Variants in PI4K2B observed in about 807,000 individuals in gnomAD.
PI4K2B encodes phosphatidylinositol 4-kinase type 2-beta.
In PI4K2B, 46 loss-of-function variants were observed where a neutral mutation model predicts 56.6. The ratio of observed to expected loss-of-function variants is 0.81; its 90% CI spans 0.64 to 1.04. The LOEUF (loss-of-function observed/expected upper bound fraction) is 1.04, where lower values mean the gene tolerates loss of function less well. Ranked by LOEUF, PI4K2B falls within the 50% of genes least tolerant of loss-of-function variation. The pLI is 0.00. For missense variants in PI4K2B, 556 were observed against 607.7 expected (o/e 0.91, Z 0.89); for synonymous variants, 211 against 223.8 (o/e 0.94, Z 0.51).
intron 9 of PI4K2B, among the ~76,000 whole-genome samples, chr4:25,272,667 G>T (rs1647132851): frequency 6.6e-6 from 1 of 152,016 alleles, no homozygotes; most frequent in African/African-American, 2.4e-5. Flanking sequence ...AACAGACCAA[G>T]ACCTCATCTC....
At chr4:25,265,235 T>C (rs1046873244) in intron 7 of PI4K2B, among the ~76,000 whole-genome samples, 2 of 145,744 alleles carry the variant, frequency 1.4e-5, no homozygotes, top group Admixed American at 6.9e-5. Context: ...GTATCCATGA[T>C]ATGTCTCTTT....
chr4:25,273,797 T>A (rs16876968), intron 9 of PI4K2B, among the ~76,000 whole-genome samples: 14,172 of 152,260 alleles, frequency 0.093, 1,087 homozygotes, highest in African/African-American at 0.21. Flanking sequence ...TCCTATAATT[T>A]GTCCATGTGT....
chr4:25,272,118 C>G (rs1716921266), intron 9 of PI4K2B, among the ~76,000 whole-genome samples: 1 of 151,834 alleles, frequency 6.6e-6, no homozygotes. Flanking sequence ...GCACTCCAGC[C>G]TGGGCAGCAG....
At position 25,268,752 on chromosome 4, in the gene PI4K2B, A is replaced by G. The variant is rs553511251; in HGVS notation, c.1212+176A>G. 1.5e-4 allele frequency among the ~76,000 whole-genome samples: 23 copies of G among 152,382 alleles called. No homozygotes were observed. The Middle Eastern group carries it at 0.01, about 68-fold the overall frequency. ...CAGGAGCATAGATTCATAAAGCTAT[A>G]CTTACTGTGAGCATTCTTTGAAGTG... On this transcript the variant is annotated intron_variant, in intron 8 of 9. Coordinates refer to ENST00000264864, the MANE Select transcript of PI4K2B (RefSeq NM_018323.4).
At chr4:25,249,727 C>T (rs1042078726) in intron 1 of PI4K2B, among the ~76,000 whole-genome samples, 1 of 151,910 alleles carries the variant, frequency 6.6e-6, no homozygotes, top group African/African-American at 2.4e-5. Flanking sequence ...GCACTCTTCA[C>T]ATCTCAGACG....
chr4:25,234,986 T>A (rs1317723364), intron 1 of PI4K2B, among the ~76,000 whole-genome samples: 2 of 152,240 alleles, frequency 1.3e-5, no homozygotes, highest in African/African-American at 4.8e-5. Context: ...TAGTTTCTCT[T>A]TCTTGATTTA....
rs1194638587 is a variant in PI4K2B at position 25,277,826 on chromosome 4, C to G, written c.*639C>G. 6.6e-6 allele frequency: 1 copy of G among 151,952 alleles called. No homozygotes were observed. Among genetic ancestry groups the G allele is most frequent in the Non-Finnish European group, 1.5e-5 (1 of 67,984 alleles). 9.4% of individuals were successfully genotyped at this position (151,952 alleles called of 1,614,324 possible). ...TGAGGAAAAAACCTAAGAAATTTCC[C>G]CTTTTTTTAAAAAATGGAAATATTC... is the stretch of plus-strand genomic sequence containing the variant. On this transcript the variant is annotated 3_prime_UTR_variant, in exon 10 of 10. Transcript: ENST00000264864.
chr4:25,256,717 C>T (rs1158821198), intron 4 of PI4K2B, 43 bp downstream of exon 4: 1 of 1,579,032 alleles, frequency 6.3e-7, no homozygotes, highest in Non-Finnish European at 8.7e-7. Flanking sequence ...CATTTGGGCA[C>T]ATACATCCTG....
chr4:25,248,792 CTTTTAT>C (rs1281147277), intron 1 of PI4K2B, among the ~76,000 whole-genome samples: 4 of 150,396 alleles, frequency 2.7e-5, no homozygotes, highest in African/African-American at 7.3e-5. Context: ...TTAGGAAAAT[CTTTTAT>C]TTTTATTTTT....
rs117138927 is a variant in PI4K2B, at chr4:25,247,773, G to A, written c.269-4548G>A. Among the ~76,000 whole-genome samples the A allele has an allele frequency of 1.3e-3, 203 of 152,096 alleles. 4 individuals carry two copies. In the East Asian group the frequency reaches 0.032, roughly 24 times the overall value. On this transcript the variant is annotated intron_variant, in intron 1 of 9. Coordinates refer to ENST00000264864, the MANE Select transcript of PI4K2B (RefSeq NM_018323.4). ...AGGCTGAGTGCAGTGGCATGATCAC[G>A]GCTCACTGCTGCCTTGAACTCCTGG...
At position 25,268,412 on chromosome 4, in the gene PI4K2B, C is replaced by T. The variant is rs141398591; in HGVS notation, c.1079-31C>T. ...TAAGTCTAAATAAACCATTTCCTAC[C>T]ACTGATTAGGAGAATGCTTTTTTCT... On this transcript the variant is annotated intron_variant, in intron 7 of 9. Transcript: ENST00000264864. The T allele has an allele frequency of 1.8e-5, 28 of 1,566,680 alleles. No homozygotes were observed. In the African/African-American group the frequency reaches 3.4e-4, roughly 19 times the overall value.
intron 7 of PI4K2B, among the ~76,000 whole-genome samples, chr4:25,266,184 G>GA (rs1716657891): frequency 6.6e-6 from 1 of 151,756 alleles, no homozygotes. Flanking sequence ...ATGTGTGAAT[G>GA]AATGACAAGG....
intron 1 of PI4K2B, among the ~76,000 whole-genome samples, chr4:25,251,875 G>A (rs1716067501): frequency 6.6e-6 from 1 of 152,102 alleles, no homozygotes; most frequent in Non-Finnish European, 1.5e-5. Flanking sequence ...CCAGGCTGGA[G>A]TGCAGTGGCG....
intron 2 of PI4K2B, among the ~76,000 whole-genome samples, chr4:25,254,175 GT>G (rs1169654945): frequency 6.6e-6 from 1 of 152,194 alleles, no homozygotes; most frequent in Non-Finnish European, 1.5e-5. Context: ...TTTAGAGGTA[GT>G]TTTTGTCATT....
At position 25,274,053 on chromosome 4, in the gene PI4K2B, C is replaced by A. The variant is rs905779014; in HGVS notation, c.1273-2961C>A. Among the ~76,000 whole-genome samples the A allele has an allele frequency of 2.0e-5, 3 of 152,134 alleles. No individual in the cohort carries two copies. In the East Asian group the frequency reaches 5.8e-4, roughly 29 times the overall value. On this transcript the variant is annotated intron_variant, in intron 9 of 9. Coordinates refer to ENST00000264864, the MANE Select transcript of PI4K2B (RefSeq NM_018323.4). ...TCAGTCTTCCTAAACTCCTCCTGTT[C>A]TGATTTTTGCAGCACTCCCTGGGAA...
intron 7 of PI4K2B, among the ~76,000 whole-genome samples, chr4:25,268,133 T>G (rs1336441419): frequency 6.6e-6 from 1 of 152,206 alleles, no homozygotes; most frequent in Non-Finnish European, 1.5e-5. Flanking sequence ...GTACAAAGTA[T>G]AGGTATTCAT....
chr4:25,269,482 C>CA (rs1219476004), intron 9 of PI4K2B, among the ~76,000 whole-genome samples: 2 of 151,600 alleles, frequency 1.3e-5, no homozygotes, highest in Non-Finnish European at 2.9e-5. Flanking sequence ...ACTAAAAATA[C>CA]AAAAAAATTA....
At chr4:25,276,568 C>A in intron 9 of PI4K2B, 2 of 770,642 alleles carry the variant, frequency 2.6e-6, no homozygotes, top group Non-Finnish European at 3.2e-6. Context: ...GCACTTACAG[C>A]AGAACCTCGC....
intron 1 of PI4K2B, among the ~76,000 whole-genome samples, chr4:25,248,478 T>C (rs1042023886): frequency 6.6e-6 from 1 of 152,030 alleles, no homozygotes; most frequent in African/African-American, 2.4e-5. Flanking sequence ...AAGTGCTAAA[T>C]AGAAAAGTAA....
Sources: allele counts gnomAD v4.1 joint callset (sites outside exome capture counted in the v4.1 genomes callset), GRCh38; gene constraint gnomAD v4.1.1; transcripts MANE v1.5; gene names NCBI Gene and HGNC (gene_info 2026-07-23, HGNC 2026-07-21).